The following ALG5 variants were observed in gnomAD, a reference collection of about 807,000 sequenced individuals.
The protein encoded by ALG5 is ALG5 dolichyl-phosphate beta-glucosyltransferase.
Under a neutral mutation model 51.8 loss-of-function variants are expected in ALG5, and 26 were observed. That is an observed-to-expected ratio of 0.50 (90% confidence interval 0.37 to 0.70). ALG5 has a LOEUF of 0.70. ALG5 is among the 30% of genes least tolerant of loss of function. ALG5 has a pLI of 0.00. For synonymous variants in ALG5, 141 were observed against 136.1 expected (o/e 1.04, Z -0.25); for missense variants, 311 against 399.3 (o/e 0.78, Z 1.88).
intron 7 of ALG5, among the ~76,000 whole-genome samples, chr13:36,966,077 G>A (rs1924422): frequency 0.91 from 137,874 of 152,218 alleles, 62,618 homozygotes; most frequent in East Asian, 1. Flanking sequence ...TGCCCCACAT[G>A]TATTTCAGTT....
intron 8 of ALG5, among the ~76,000 whole-genome samples, chr13:36,958,230 C>T (rs1391469492): frequency 6.6e-6 from 1 of 152,134 alleles, no homozygotes; most frequent in Non-Finnish European, 1.5e-5. Flanking sequence ...ACCACTAGCT[C>T]TCCTTACCAA....
chr13:36,992,733 G>T (rs1242838939), intron 4 of ALG5, among the ~76,000 whole-genome samples: 3 of 152,102 alleles, frequency 2.0e-5, no homozygotes, highest in Non-Finnish European at 4.4e-5. Flanking sequence ...AACGCCTCAA[G>T]AACAAGAGCC....
At chr13:36,967,778 A>G in intron 7 of ALG5, 2 of 1,220,582 alleles carry the variant, frequency 1.6e-6, no homozygotes, top group South Asian at 2.5e-5. Context: ...ATACTGGTTG[A>G]CTGATTAAAC....
chr13:36,951,482 T>C (rs2138775016), intron 9 of ALG5, among the ~76,000 whole-genome samples: 1 of 152,344 alleles, frequency 6.6e-6, no homozygotes, highest in East Asian at 1.9e-4. Context: ...AGAGCAATAA[T>C]GGTTTACTGC....
intron 8 of ALG5, among the ~76,000 whole-genome samples, chr13:36,955,816 C>A (rs2058837625): frequency 6.6e-6 from 1 of 150,670 alleles, no homozygotes; most frequent in Non-Finnish European, 1.5e-5. Flanking sequence ...ACCCTTATAT[C>A]AAAAAACTAA....
At chr13:36,999,033 T>G (rs1044258496) in intron 1 of ALG5, 1 of 440,874 alleles carries the variant, frequency 2.3e-6, no homozygotes, top group South Asian at 6.2e-5. Context: ...CACAAAGAGA[T>G]AAGATTCCAA....
At chr13:36,975,376 T>C (rs1241825574) in intron 6 of ALG5, among the ~76,000 whole-genome samples, 1 of 152,220 alleles carries the variant, frequency 6.6e-6, no homozygotes, top group African/African-American at 2.4e-5. Context: ...TGCACCCCCA[T>C]GGTGACATTT....
chr13:36,967,299 C>T (rs1348797164), intron 7 of ALG5, among the ~76,000 whole-genome samples: 1 of 152,090 alleles, frequency 6.6e-6, no homozygotes, highest in Middle Eastern at 3.4e-3. Flanking sequence ...ATCCTGGCTC[C>T]GTTACTAATT....
intron 6 of ALG5, among the ~76,000 whole-genome samples, chr13:36,983,673 A>T (rs1252249935): frequency 6.6e-6 from 1 of 152,224 alleles, no homozygotes; most frequent in Non-Finnish European, 1.5e-5. Context: ...AGACACATGC[A>T]GCTAGTGCTA....
intron 6 of ALG5, 107 bp from the exon 7 acceptor site, chr13:36,972,143 G>C (rs9576146): frequency 0.4 from 369,851 of 924,760 alleles, 79,056 homozygotes; most frequent in East Asian, 0.75. Context: ...TAAAAAAGTT[G>C]ACATTAAAAA....
chr13:36,971,529 C>CCCAGCTA (rs1040972932), intron 7 of ALG5, among the ~76,000 whole-genome samples: 47 of 150,950 alleles, frequency 3.1e-4, no homozygotes, highest in Admixed American at 5.3e-4. Context: ...CGCCTGTAGT[C>CCCAGCTA]CCAGCTACTT....
intron 5 of ALG5, among the ~76,000 whole-genome samples, chr13:36,986,287 TTA>T (rs2059001479): frequency 6.6e-6 from 1 of 152,202 alleles, no homozygotes; most frequent in East Asian, 1.9e-4. Flanking sequence ...AATCCAAATG[TTA>T]TGTTATGCCA....
chr13:36,983,051 G>C (rs2058986834), intron 6 of ALG5, among the ~76,000 whole-genome samples: 1 of 152,162 alleles, frequency 6.6e-6, no homozygotes, highest in Non-Finnish European at 1.5e-5. Flanking sequence ...TTACAGAGTA[G>C]TATAAAGGAA....
intron 6 of ALG5, among the ~76,000 whole-genome samples, chr13:36,981,869 A>T (rs1192553237): frequency 6.6e-6 from 1 of 152,184 alleles, no homozygotes; most frequent in East Asian, 1.9e-4. Flanking sequence ...CTGGTGGATC[A>T]CGAAGTCAGG....
intron 8 of ALG5, among the ~76,000 whole-genome samples, chr13:36,956,083 A>T (rs898880733): frequency 3.2e-4 from 48 of 152,216 alleles, no homozygotes; most frequent in African/African-American, 1.1e-3. Context: ...GGATTGGGAG[A>T]AAATATCTGT....
intron 1 of ALG5, among the ~76,000 whole-genome samples, chr13:36,997,405 G>A (rs2059055880): frequency 7.3e-6 from 1 of 137,032 alleles, no homozygotes; most frequent in Non-Finnish European, 1.5e-5. Context: ...GGCAGAGGTT[G>A]CAGTGAGCCA....
intron 7 of ALG5, among the ~76,000 whole-genome samples, chr13:36,967,108 A>G (rs541302868): frequency 6.6e-6 from 1 of 152,052 alleles, no homozygotes; most frequent in South Asian, 2.1e-4. Flanking sequence ...CTGTAGTCCC[A>G]GCTACTTAGG....
chr13:36,985,818 T>C, intron 5 of ALG5, 78 bp from the exon 6 acceptor site: 1 of 909,356 alleles, frequency 1.1e-6, no homozygotes, highest in South Asian at 1.6e-5. Flanking sequence ...TCTGTTCTAC[T>C]TAAAATACCT....
intron 6 of ALG5, among the ~76,000 whole-genome samples, chr13:36,984,242 G>A (rs990628836): frequency 9.9e-5 from 15 of 151,774 alleles, no homozygotes; most frequent in Admixed American, 9.2e-4. Context: ...GGGACTAGAC[G>A]CATACACCAC....
Sources: allele counts gnomAD v4.1 joint callset (sites outside exome capture counted in the v4.1 genomes callset), GRCh38; gene constraint gnomAD v4.1.1; transcripts MANE v1.5; gene names NCBI Gene and HGNC (gene_info 2026-07-23, HGNC 2026-07-21).